Variants in RSRC1 observed in about 807,000 individuals in gnomAD.
The protein encoded by RSRC1 is arginine and serine rich coiled-coil 1.
In RSRC1, 39 loss-of-function variants were observed where a neutral mutation model predicts 49.1. The ratio of observed to expected loss-of-function variants is 0.79; its 90% CI spans 0.61 to 1.04. RSRC1 has a LOEUF of 1.04. Ranked by LOEUF, RSRC1 falls within the 50% of genes least tolerant of loss-of-function variation. The pLI, the probability that RSRC1 is intolerant of heterozygous loss-of-function variation, is 0.00. For synonymous variants in RSRC1, 143 were observed against 130.8 expected (o/e 1.09, Z -0.63); for missense variants, 388 against 402.4 (o/e 0.96, Z 0.31).
chr3:158,380,587 A>C (rs910910848), intron 6 of RSRC1, among the ~76,000 whole-genome samples: 3 of 152,114 alleles, frequency 2.0e-5, no homozygotes, highest in Admixed American at 2.0e-4. Flanking sequence ...CTAGTTTGCA[A>C]GTTGTCAGGT....
At chr3:158,295,163 G>A (rs1486567875) in intron 4 of RSRC1, among the ~76,000 whole-genome samples, 1 of 152,060 alleles carries the variant, frequency 6.6e-6, no homozygotes, top group South Asian at 2.1e-4. Flanking sequence ...CAAGGAGAAG[G>A]TTTCCCCAAT....
chr3:158,411,888 A>G (rs1171310407), intron 6 of RSRC1, among the ~76,000 whole-genome samples: 1 of 152,140 alleles, frequency 6.6e-6, no homozygotes, highest in Non-Finnish European at 1.5e-5. Context: ...ATAAATATTT[A>G]TGAATAACTG....
rs1236599002 is a variant in RSRC1 at position 158,246,750 on chromosome 3, A to G, written c.494+43505A>G. ...TTGTAGGGTTTCTGCTGAGAGGTCC[A>G]CCGATAGTCTCATGGGCTTCCCTTT... On this transcript the variant is annotated intron_variant, in intron 4 of 9. Transcript: ENST00000611884. 2.6e-5 allele frequency among the ~76,000 whole-genome samples: 4 copies of G among 152,092 alleles called. No individual in the cohort carries two copies. In the East Asian group the frequency reaches 7.7e-4, roughly 29 times the overall value.
intron 4 of RSRC1, among the ~76,000 whole-genome samples, chr3:158,211,028 A>G (rs891615948): frequency 6.6e-6 from 1 of 152,042 alleles, no homozygotes; most frequent in Non-Finnish European, 1.5e-5. Context: ...CAGGAGGCTG[A>G]GGAATTAGGG....
intron 3 of RSRC1, among the ~76,000 whole-genome samples, chr3:158,175,043 T>C (rs1351600728): frequency 6.6e-6 from 1 of 152,052 alleles, no homozygotes; most frequent in Non-Finnish European, 1.5e-5. Flanking sequence ...TCCCTTTGGG[T>C]TTTAATTTTA....
At chr3:158,157,086 T>G (rs956322120) in intron 3 of RSRC1, among the ~76,000 whole-genome samples, 1 of 152,210 alleles carries the variant, frequency 6.6e-6, no homozygotes, top group Non-Finnish European at 1.5e-5. Flanking sequence ...TAAAAAGGGT[T>G]AGATGTCTCT....
At chr3:158,477,341 T>C (rs906130489) in intron 7 of RSRC1, among the ~76,000 whole-genome samples, 1 of 152,120 alleles carries the variant, frequency 6.6e-6, no homozygotes, top group African/African-American at 2.4e-5. Flanking sequence ...AGAGAACTCT[T>C]TCATGACAGA....
At chr3:158,281,609 A>G (rs1726174452) in intron 4 of RSRC1, among the ~76,000 whole-genome samples, 1 of 152,194 alleles carries the variant, frequency 6.6e-6, no homozygotes, top group East Asian at 1.9e-4. Context: ...AACCTGAACG[A>G]TATAATATTA....
At chr3:158,444,130 G>A (rs1284936108) in intron 6 of RSRC1, among the ~76,000 whole-genome samples, 2 of 151,936 alleles carry the variant, frequency 1.3e-5, no homozygotes, top group African/African-American at 2.4e-5. Flanking sequence ...TTACCAAAAT[G>A]TGTCTTCACA....
intron 8 of RSRC1, among the ~76,000 whole-genome samples, chr3:158,541,408 T>G (rs1343137779): frequency 6.6e-6 from 1 of 152,224 alleles, no homozygotes. Flanking sequence ...TTATAATCTG[T>G]CAACTCCATT....
chr3:158,235,025 G>T (rs1414796896), intron 4 of RSRC1, among the ~76,000 whole-genome samples: 3 of 152,052 alleles, frequency 2.0e-5, no homozygotes, highest in Non-Finnish European at 4.4e-5. Flanking sequence ...GAACAGCAGG[G>T]TTACACAGAT....
intron 5 of RSRC1, among the ~76,000 whole-genome samples, chr3:158,305,395 G>T (rs975584278): frequency 6.6e-6 from 1 of 152,200 alleles, no homozygotes; most frequent in East Asian, 1.9e-4. Context: ...TATTCTAAAT[G>T]CATTAAAGTA....
intron 6 of RSRC1, among the ~76,000 whole-genome samples, chr3:158,406,587 G>A (rs560151131): frequency 2.0e-5 from 3 of 152,134 alleles, no homozygotes; most frequent in Non-Finnish European, 4.4e-5. Flanking sequence ...TGTTTAGAAG[G>A]GGAGATTTTA....
intron 4 of RSRC1, among the ~76,000 whole-genome samples, chr3:158,240,518 C>A (rs1723511561): frequency 6.6e-6 from 1 of 151,976 alleles, no homozygotes; most frequent in South Asian, 2.1e-4. Flanking sequence ...GAATACATTG[C>A]TGGATTTGGT....
chr3:158,187,186 C>T (rs577008374), intron 3 of RSRC1, among the ~76,000 whole-genome samples: 2 of 151,830 alleles, frequency 1.3e-5, no homozygotes, highest in East Asian at 1.9e-4. Context: ...GAAAAATATC[C>T]AAAACACCAA....
At chr3:158,137,394 A>G (rs1457415798) in intron 3 of RSRC1, among the ~76,000 whole-genome samples, 2 of 105,462 alleles carry the variant, frequency 1.9e-5, no homozygotes, top group African/African-American at 4.3e-5. Flanking sequence ...TATAATACTG[A>G]CCCAATTAAA....
chr3:158,351,742 G>A (rs974665458), intron 5 of RSRC1, among the ~76,000 whole-genome samples: 2 of 151,776 alleles, frequency 1.3e-5, no homozygotes, highest in East Asian at 3.9e-4. Flanking sequence ...TCATTTACAA[G>A]TAGAGGCAAG....
chr3:158,532,395 T>G (rs539066017), intron 7 of RSRC1, among the ~76,000 whole-genome samples: 67 of 152,012 alleles, frequency 4.4e-4, no homozygotes, highest in African/African-American at 1.5e-3. Flanking sequence ...TAAAATTTTC[T>G]TTTCAAATGA....
rs907640323 is a variant in RSRC1, at chr3:158,545,614, C to T, written c.*1339C>T. 1 of 151,996 alleles carries T rather than the reference C, an allele frequency of 6.6e-6. No individual in the cohort carries two copies. The highest frequency in any genetic ancestry group is 1.5e-5 in the Non-Finnish European group (1 of 67,980). 9.4% of individuals were successfully genotyped at this position (151,996 alleles called of 1,614,324 possible). On this transcript the variant is annotated 3_prime_UTR_variant, in exon 10 of 10. Transcript: ENST00000611884. ...GAAAAATGTAAAACTTAGTTGCAAA[C>T]AGTATAGAAAATAAGTGATGATGAA...
Sources: gnomAD v4.1 joint callset for allele counts (sites outside exome capture counted in the v4.1 genomes callset) on GRCh38, gnomAD v4.1.1 for gene constraint, MANE v1.5 for transcripts, NCBI Gene and HGNC (gene_info 2026-07-23, HGNC 2026-07-21) for gene names.